The following VRK2 variants were observed in gnomAD, a reference collection of about 807,000 sequenced individuals.
The protein encoded by VRK2 is VRK serine/threonine kinase 2.
A neutral mutation model predicts 57.6 loss-of-function variants in VRK2; 60 were observed. The ratio of observed to expected loss-of-function variants is 1.04; its 90% CI spans 0.85 to 1.29. The LOEUF (loss-of-function observed/expected upper bound fraction) is 1.29. Among genes scored for constraint, VRK2 ranks in the 50% most tolerant of loss-of-function variants. The pLI, the probability that VRK2 is intolerant of heterozygous loss-of-function variation, is 0.00. For missense variants in VRK2, 705 were observed against 588.1 expected, an observed-to-expected ratio of 1.20 and a Z score of -2.06; for synonymous variants, 231 against 199.2, an observed-to-expected ratio of 1.16 and a Z score of -1.35.
intron 2 of VRK2, among the ~76,000 whole-genome samples, chr2:58,027,836 C>A (rs1469204157): frequency 6.6e-6 from 1 of 152,052 alleles, no homozygotes; most frequent in Non-Finnish European, 1.5e-5. Context: ...AAAGGGGGAA[C>A]AAAGTCCATC....
chr2:58,100,057 G>A (rs1157084946), intron 7 of VRK2, among the ~76,000 whole-genome samples: 1 of 152,020 alleles, frequency 6.6e-6, no homozygotes, highest in Non-Finnish European at 1.5e-5. Context: ...GGAAGAAGGA[G>A]TTGTAATACC....
At chr2:58,105,781 C>T (rs897930364) in intron 7 of VRK2, among the ~76,000 whole-genome samples, 7 of 151,756 alleles carry the variant, frequency 4.6e-5, no homozygotes, top group Non-Finnish European at 7.4e-5. Context: ...ATGCAGGTAG[C>T]ACTATTGCTA....
At chr2:58,127,193 G>A (rs1678492057) in intron 8 of VRK2, among the ~76,000 whole-genome samples, 1 of 151,864 alleles carries the variant, frequency 6.6e-6, no homozygotes, top group Non-Finnish European at 1.5e-5. Flanking sequence ...CAAGTCTTGT[G>A]TTATTTCTTT....
intron 7 of VRK2, among the ~76,000 whole-genome samples, chr2:58,103,832 A>G (rs1207222298): frequency 6.6e-6 from 1 of 151,834 alleles, no homozygotes; most frequent in African/African-American, 2.4e-5. Flanking sequence ...ATGACCATAG[A>G]TGCAAAGTCC....
At chr2:58,046,056 G>T (rs1454325198), upstream of VRK2, among the ~76,000 whole-genome samples, 3 of 152,088 alleles carry the variant, frequency 2.0e-5, no homozygotes, top group African/African-American at 4.8e-5. Context: ...TGTTGGCCAG[G>T]CTGGTCTCAA....
intron 2 of VRK2, among the ~76,000 whole-genome samples, chr2:58,061,941 G>C (rs150075925): frequency 6.6e-6 from 1 of 152,072 alleles, no homozygotes; most frequent in Non-Finnish European, 1.5e-5. Flanking sequence ...TGCTTTATCT[G>C]TTGCATATTC....
Position 58,131,873 on chromosome 2 carries a change from C to T in VRK2, c.742C>T (p.Leu248Phe), listed in dbSNP as rs369326737. The T allele has an allele frequency of 9.9e-6, 16 of 1,613,976 alleles. No homozygotes were observed. In the African/African-American group the frequency reaches 2.0e-4, roughly 20 times the overall value. The change falls in exon 9 of 13, where the codon CTT (leucine) becomes TTT (phenylalanine). Residue 248 changes from leucine to phenylalanine, a missense_variant. Physicochemically the swap from Leu to Phe is conservative, Grantham distance 22. Coordinates refer to ENST00000340157, the MANE Select transcript of VRK2 (RefSeq NM_006296.7). Reference protein sequence around the residue: ...YCMLRWLCGKLPWEQNLKDPV... With the variant: ...YCMLRWLCGKFPWEQNLKDPV... ...CATGCTGCGGTGGTTGTGTGGGAAA[C>T]TTCCCTGGGAACAGAACCTGAAGGA...
At chr2:58,020,495 A>G (rs1344475329) in intron 1 of VRK2, among the ~76,000 whole-genome samples, 1 of 152,262 alleles carries the variant, frequency 6.6e-6, no homozygotes, top group African/African-American at 2.4e-5. Context: ...GCAAAGCACC[A>G]TGCCCTGCTA....
In VRK2 at chr2:57,939,774, A is replaced by G. The variant is rs72947154; in HGVS notation, c.-439+31935A>G. ...GTTGATGGCATATTTTTCTGTTTAC[A>G]CTTGCTTGAAATTAGGTAGAACACT... On this transcript the variant is annotated intron_variant, in intron 1 of 15. Coordinates refer to the VRK2 transcript ENST00000417641. Among the ~76,000 whole-genome samples the G allele has an allele frequency of 1.7e-3, 266 of 152,322 alleles. 3 individuals are homozygous for G. Among genetic ancestry groups the G allele is most frequent in the African/African-American group, 5.9e-3 (247 of 41,576 alleles).
intron 1 of VRK2, among the ~76,000 whole-genome samples, chr2:57,967,570 A>G (rs985746027): frequency 1.3e-5 from 2 of 152,196 alleles, no homozygotes; most frequent in Non-Finnish European, 2.9e-5. Context: ...AAATAAAAAT[A>G]TAAGAAAACA....
chr2:58,088,310 A>T, intron 5 of VRK2, 31 bp from the exon 6 acceptor site: 1 of 1,462,792 alleles, frequency 6.8e-7, no homozygotes, highest in East Asian at 2.3e-5. Flanking sequence ...CTTTCTCAGG[A>T]TGATCTCTTT....
chr2:58,096,538 A>G (rs1193496921), intron 7 of VRK2, among the ~76,000 whole-genome samples: 2 of 151,350 alleles, frequency 1.3e-5, no homozygotes, highest in Admixed American at 6.6e-5. Context: ...GTTTTTTATG[A>G]CTTAAATTTT....
intron 1 of VRK2, among the ~76,000 whole-genome samples, chr2:57,914,953 T>C (rs922369040): frequency 1.3e-5 from 2 of 152,138 alleles, no homozygotes; most frequent in Non-Finnish European, 2.9e-5. Context: ...AAGCTGCAGC[T>C]GTAGTTGTGA....
intron 2 of VRK2, among the ~76,000 whole-genome samples, chr2:58,052,548 A>C (rs150221601): frequency 9.3e-5 from 14 of 150,764 alleles, no homozygotes; most frequent in African/African-American, 2.9e-4. Flanking sequence ...GGTTGCAGTG[A>C]GCCAAGATTG....
intron 1 of VRK2, among the ~76,000 whole-genome samples, chr2:57,993,470 C>G (rs1469611716): frequency 6.6e-6 from 1 of 151,482 alleles, no homozygotes; most frequent in Non-Finnish European, 1.5e-5. Flanking sequence ...AGCCATGTCC[C>G]TGCTCTGCTT....
At chr2:58,066,722 G>A (rs1572921680) in intron 2 of VRK2, among the ~76,000 whole-genome samples, 2 of 152,028 alleles carry the variant, frequency 1.3e-5, no homozygotes, top group Admixed American at 6.6e-5. Flanking sequence ...TTTCAGAAAG[G>A]CATTCTTTTA....
chr2:58,089,064 T>C (rs1441581088), intron 6 of VRK2, among the ~76,000 whole-genome samples: 3 of 152,214 alleles, frequency 2.0e-5, no homozygotes, highest in African/African-American at 7.2e-5. Flanking sequence ...GCATTAATTT[T>C]CTCATTTATC....
intron 1 of VRK2, among the ~76,000 whole-genome samples, chr2:57,908,211 G>T (rs1349172489): frequency 6.6e-6 from 1 of 152,142 alleles, no homozygotes; most frequent in African/African-American, 2.4e-5. Flanking sequence ...TTTATCTTGG[G>T]TTGATTCTTC....
At chr2:58,063,434 C>T (rs540303621) in intron 2 of VRK2, among the ~76,000 whole-genome samples, 1 of 151,756 alleles carries the variant, frequency 6.6e-6, no homozygotes, top group East Asian at 1.9e-4. Flanking sequence ...TAATGGGCAC[C>T]CTGAATACCC....
Sources: allele counts gnomAD v4.1 joint callset (sites outside exome capture counted in the v4.1 genomes callset), GRCh38; gene constraint gnomAD v4.1.1; transcripts MANE v1.5; gene names NCBI Gene and HGNC (gene_info 2026-07-23, HGNC 2026-07-21).